The following SCUBE2 variants were observed in gnomAD, a reference collection of about 807,000 sequenced individuals.
The protein encoded by SCUBE2 is signal peptide, CUB and EGF-like domain-containing protein 2.
SCUBE2 carries 114 observed loss-of-function variants against 125.9 expected under a neutral mutation model. The ratio of observed to expected loss-of-function variants is 0.91; its 90% CI spans 0.78 to 1.06. The LOEUF (loss-of-function observed/expected upper bound fraction) is 1.06. Among genes scored for constraint, SCUBE2 ranks in the 50% least tolerant of loss-of-function variants. SCUBE2 has a pLI of 0.00. For missense variants in SCUBE2, 1,255 were observed against 1,301.8 expected (o/e 0.96, Z 0.55); for synonymous variants, 459 against 492.9 (o/e 0.93, Z 0.91).
At chr11:9,026,622 A>G (rs1855791377) in intron 20 of SCUBE2, 1 of 152,096 alleles carries the variant, frequency 6.6e-6, no homozygotes, top group African/African-American at 2.4e-5. Flanking sequence ...TAAAAAAAAA[A>G]AAATGTATAG....
At chr11:9,071,063 G>T (rs1860751243) in intron 4 of SCUBE2, among the ~76,000 whole-genome samples, 1 of 152,230 alleles carries the variant, frequency 6.6e-6, no homozygotes, top group African/African-American at 2.4e-5. Context: ...CGCGGGAGGT[G>T]ACAGCTGCCT....
At chr11:9,029,222 A>G (rs1856057826) in intron 19 of SCUBE2, among the ~76,000 whole-genome samples, 1 of 151,666 alleles carries the variant, frequency 6.6e-6, no homozygotes, top group Admixed American at 6.6e-5. Context: ...CCCTTCCTAT[A>G]AAACACAAAC....
chr11:9,037,868 G>A (rs1856866754), intron 16 of SCUBE2, among the ~76,000 whole-genome samples: 1 of 152,210 alleles, frequency 6.6e-6, no homozygotes, highest in South Asian at 2.1e-4. Flanking sequence ...GTTCCCAAAT[G>A]CACACTATGT....
At chr11:9,057,594 C>A (rs972456404) in intron 9 of SCUBE2, 1 of 146,928 alleles carries the variant, frequency 6.8e-6, no homozygotes, top group Non-Finnish European at 1.5e-5. Context: ...TCTCGACTTA[C>A]TGCAACCTCT....
Position 9,024,105 on chromosome 11 carries a change from C to T in SCUBE2, c.2854+1597G>A, listed in dbSNP as rs544747897. 3.0e-5 allele frequency: 16 copies of T among 540,852 alleles called. No individual in the cohort carries two copies. In the South Asian group the frequency reaches 4.3e-4, roughly 14 times the overall value. The allele number at this position is 540,852 out of a possible 1,614,324, so 33.5% of individuals were successfully genotyped here. ...CTGTGACACATGCAAGACTCACTCTCGTGGGCATACACTGCATTATGCGTA... is the reference window on the plus strand; with the variant it reads ...CTGTGACACATGCAAGACTCACTCTTGTGGGCATACACTGCATTATGCGTA... On this transcript the variant is annotated intron_variant, in intron 21 of 22. Coordinates refer to ENST00000649792, the MANE Select transcript of SCUBE2 (RefSeq NM_001367977.2).
rs775380565 is a variant in SCUBE2 at position 9,073,979 on chromosome 11, C to G, written c.517+502G>C. 6.6e-4 allele frequency among the ~76,000 whole-genome samples: 101 copies of G among 152,256 alleles called. 1 individual carries two copies. The highest frequency in any genetic ancestry group is 1.3e-3 in the Non-Finnish European group (87 of 68,018). On this transcript the variant is annotated intron_variant, in intron 4 of 22. Coordinates refer to ENST00000649792, the MANE Select transcript of SCUBE2 (RefSeq NM_001367977.2). ...CAGCACGGAAAGTCCAGGGAGGGAG[C>G]CCTTCTGCCCCTCGGAGCTCAAAAA...
chr11:9,050,875 T>C (rs980968770), intron 13 of SCUBE2, among the ~76,000 whole-genome samples, 165 bp from the exon 14 acceptor site: 6 of 152,178 alleles, frequency 3.9e-5, no homozygotes, highest in Non-Finnish European at 5.9e-5. Context: ...GGAGTGCCCA[T>C]TGCCCTGGAC....
Position 9,025,753 on chromosome 11 carries a change from T to G in SCUBE2, c.2803A>C (p.Asn935His). Residue 935 changes from asparagine (N) to histidine (H), a missense_variant, in exon 21 of 23, where the codon AAT becomes CAT. Coordinates refer to ENST00000649792, the MANE Select transcript of SCUBE2 (RefSeq NM_001367977.2). ...SKKLWIQFKS[N>H]EGNSARGFQV... Reference sequence around the variant, plus strand: ...AACCCTCTAGCGCTGTTCCCTTCATTGGACTTGAACTGAATCCACAGCTTC... The same window carrying G: ...AACCCTCTAGCGCTGTTCCCTTCATGGGACTTGAACTGAATCCACAGCTTC... 2 of 1,614,230 alleles carry G rather than the reference T, an allele frequency of 1.2e-6. No homozygotes were observed.
At chr11:9,054,836 A>C (rs898971041) in intron 10 of SCUBE2, among the ~76,000 whole-genome samples, 3 of 144,602 alleles carry the variant, frequency 2.1e-5, no homozygotes, top group African/African-American at 7.8e-5. Context: ...CCCGGGTTCA[A>C]GCAATTTTCC....
In SCUBE2 at chr11:9,055,856, G is replaced by A. The variant is rs1859027374; in HGVS notation, c.1144C>T (p.Pro382Ser). 6.2e-7 allele frequency: 1 copy of A among 1,614,164 alleles called. No homozygotes were observed. Among genetic ancestry groups the A allele is most frequent in the Non-Finnish European group, 8.5e-7 (1 of 1,180,044 alleles). The change falls in exon 10 of 23, where the codon CCT becomes TCT. Residue 382 changes from proline (P) to serine (S), a missense_variant. Pro to Ser is a moderately conservative substitution (Grantham distance 74). Around this residue, in one of 3 missense-constraint regions of SCUBE2, gnomAD observed 378 missense variants for 463.1 expected, o/e 0.82. Coordinates refer to ENST00000649792, the MANE Select transcript of SCUBE2 (RefSeq NM_001367977.2). ...TTGCAAGCACAAGCAAATGTGCCAG[G>A]GTGGTTGATGCAGCTGTGGTCACAG... ...RTCDHSCINH[P>S]GTFACACNRG...
intron 10 of SCUBE2, 27 bp downstream of exon 10, chr11:9,055,766 C>T (rs761931747): frequency 6.3e-7 from 1 of 1,583,560 alleles, no homozygotes; most frequent in Admixed American, 1.7e-5. Flanking sequence ...CATTCCCCTC[C>T]CAACTTGACA....
chr11:9,031,800 A>G (rs1856328161), intron 17 of SCUBE2, among the ~76,000 whole-genome samples: 1 of 152,218 alleles, frequency 6.6e-6, no homozygotes, highest in Non-Finnish European at 1.5e-5. Flanking sequence ...TGCTATCAAA[A>G]TCTGCTATCT....
At position 9,048,058 on chromosome 11, in the gene SCUBE2, G is replaced by A. The variant is rs939376222; in HGVS notation, c.1680C>T (p.Asn560=). ...CTTGCTTGCCAGAGCTGCATGTAAGGTTTACGTAGCGGAAGCTCTCTTTTA... is the reference window on the plus strand; with the variant it reads ...CTTGCTTGCCAGAGCTGCATGTAAGATTTACGTAGCGGAAGCTCTCTTTTA... ...SSVKESFRYV[N]LTCSSGKQVP... Residue 560 remains asparagine (N), a synonymous_variant, in exon 15 of 23, where the codon AAC becomes AAT. Coordinates refer to ENST00000649792, the MANE Select transcript of SCUBE2 (RefSeq NM_001367977.2). 3.1e-6 allele frequency: 5 copies of A among 1,614,106 alleles called. No individual in the cohort carries two copies. The highest frequency in any genetic ancestry group is 1.7e-6 in the Non-Finnish European group (2 of 1,180,004).
rs116585031 is a variant in SCUBE2, at chr11:9,077,814, G to A, written c.382+1570C>T. Among the ~76,000 whole-genome samples, 401 of 152,344 alleles carry A rather than the reference G, an allele frequency of 2.6e-3. 2 individuals are homozygous for A. The Middle Eastern group carries it at 0.027, about 10-fold the overall frequency. On this transcript the variant is annotated intron_variant, in intron 3 of 22. Transcript: ENST00000649792. ...AAAGAGATCCCACAGAGGGGAAATGGAGATACTCTGTGCTGATAATATCTG... is the reference window on the plus strand; with the variant it reads ...AAAGAGATCCCACAGAGGGGAAATGAAGATACTCTGTGCTGATAATATCTG...
Position 9,091,522 on chromosome 11 carries a change from C to T in SCUBE2, c.7G>A (p.Val3Ile), listed in dbSNP as rs557532665. Residue 3 changes from valine to isoleucine, a missense_variant, in exon 1 of 23, where the codon GTC becomes ATC. This residue lies in a region of SCUBE2 where 362 missense variants were observed against 323.0 expected (regional missense o/e 1.12). Coordinates refer to ENST00000649792, the MANE Select transcript of SCUBE2 (RefSeq NM_001367977.2). The surrounding 1 kb of genome is among the most constrained non-coding windows in gnomAD (Gnocchi z 8.5). ...GCCCCGGGACGGTTGCGGCCCGCGA[C>T]CCCCATGGATGGCTCAGCGGTTGCG... Reference protein sequence around the residue: MGVAGRNRPGAAW... With the variant: MGIAGRNRPGAAW... 2 of 851,618 alleles carry T rather than the reference C, an allele frequency of 2.3e-6. No individual in the cohort carries two copies. The highest frequency in any genetic ancestry group is 3.1e-6 in the Non-Finnish European group (2 of 645,756). 52.8% of individuals were successfully genotyped at this position (851,618 alleles called of 1,614,324 possible).
In SCUBE2 at chr11:9,047,406, C is replaced by T. The variant is rs759332840; in HGVS notation, c.1952G>A (p.Arg651His). The stretch of plus-strand genomic sequence containing the variant: ...GCCCACTCCACAGGACTCTGCCTGG[C>T]GTTCAGATGTTCTGGGAGGCTTTTT... ...VAKKPPRTSE[R>H]QAESCGVGQG... Residue 651 changes from arginine to histidine, a missense_variant, in exon 16 of 23, where the codon CGC becomes CAC. Physicochemically the swap from Arg to His is conservative, Grantham distance 29. This residue lies in a region of SCUBE2 where 515 missense variants were observed against 515.7 expected (regional missense o/e 1.00). Transcript: ENST00000649792. 7 of 1,614,144 alleles carry T rather than the reference C, an allele frequency of 4.3e-6. No individual in the cohort carries two copies. Among genetic ancestry groups the T allele is most frequent in the East Asian group, 2.2e-5 (1 of 44,880 alleles).
At position 9,027,580 on chromosome 11, in the gene SCUBE2, C is replaced by T. The variant is rs758395306; in HGVS notation, c.2504-19G>A. 5.0e-6 allele frequency: 8 copies of T among 1,603,008 alleles called. No individual in the cohort carries two copies. The highest frequency in any genetic ancestry group is 4.5e-5 in the South Asian group (4 of 89,616). On this transcript the variant is annotated intron_variant, in intron 19 of 22. Transcript: ENST00000649792. ...CTTCTGTCTGAAAAAGGAGATGCCC[C>T]GAGTTATGGCACGACACTGTCATCT...
chr11:9,087,148 A>G (rs994828885), intron 2 of SCUBE2, among the ~76,000 whole-genome samples: 3 of 152,234 alleles, frequency 2.0e-5, no homozygotes, highest in African/African-American at 7.2e-5. Flanking sequence ...AAACTAAATA[A>G]TAGACTTTTA....
chr11:9,089,692 C>T lies in SCUBE2; in HGVS notation c.256+15G>A. ...CTTCCCTACAGTCCCCCCACATGGTCCCCAAGGCACTTACCCTCACACTGC... is the reference window on the plus strand; with the variant it reads ...CTTCCCTACAGTCCCCCCACATGGTTCCCAAGGCACTTACCCTCACACTGC... On this transcript the variant is annotated intron_variant, in intron 2 of 22. Coordinates refer to ENST00000649792, the MANE Select transcript of SCUBE2 (RefSeq NM_001367977.2). 1 of 1,612,200 alleles carries T rather than the reference C, an allele frequency of 6.2e-7. No individual in the cohort carries two copies. The highest frequency in any genetic ancestry group is 8.5e-7 in the Non-Finnish European group (1 of 1,178,962).
Sources: gnomAD v4.1 joint callset for allele counts (sites outside exome capture counted in the v4.1 genomes callset) on GRCh38, gnomAD v4.1.1 for gene constraint, gnomAD v4.1.1 regional missense constraint, Gnocchi (gnomAD v3.1) non-coding constraint, MANE v1.5 for transcripts, NCBI Gene and HGNC (gene_info 2026-07-23, HGNC 2026-07-21) for gene names.